COQ10B: variants seen among roughly 807,000 people sequenced by gnomAD.
The protein encoded by COQ10B is coenzyme Q-binding protein COQ10 homolog B, mitochondrial.
In COQ10B, 12 loss-of-function variants were observed where a neutral mutation model predicts 27.6. The observed-to-expected ratio is 0.43, with a 90% CI of 0.28 to 0.70. The LOEUF (loss-of-function observed/expected upper bound fraction) is 0.70, where lower values mean the gene tolerates loss of function less well. Among genes scored for constraint, COQ10B ranks in the 30% least tolerant of loss-of-function variants. COQ10B has a pLI of 0.17. For missense variants in COQ10B, 278 were observed against 288.7 expected, an observed-to-expected ratio of 0.96 and a Z score of 0.27; for synonymous variants, 115 against 103.0, an observed-to-expected ratio of 1.12 and a Z score of -0.71.
At chr2:197,463,171 A>G (rs559546348) in intron 3 of COQ10B, among the ~76,000 whole-genome samples, 5 of 151,890 alleles carry the variant, frequency 3.3e-5, no homozygotes, top group Non-Finnish European at 2.9e-5. Context: ...TGAGAGGATA[A>G]AGAAAGGTAG....
chr2:197,473,658 C>A, intron 4 of COQ10B, 99 bp from the exon 5 acceptor site: 1 of 859,800 alleles, frequency 1.2e-6, no homozygotes, highest in Non-Finnish European at 1.6e-6. Flanking sequence ...TGCACTCCAA[C>A]CTGGGCAACA....
intron 4 of COQ10B, among the ~76,000 whole-genome samples, chr2:197,471,343 T>C (rs762245344): frequency 3.4e-4 from 52 of 152,044 alleles, no homozygotes; most frequent in Non-Finnish European, 7.2e-4. Context: ...GGTTTTGCCA[T>C]GTTTCCCAGG....
intron 2 of COQ10B, among the ~76,000 whole-genome samples, chr2:197,460,570 C>A (rs1398205725): frequency 6.6e-6 from 1 of 152,136 alleles, no homozygotes. Context: ...AAATCTTTGA[C>A]ATGTAAAGAA....
At chr2:197,471,941 CAAAA>C (rs200758529) in intron 4 of COQ10B, among the ~76,000 whole-genome samples, 2 of 93,618 alleles carry the variant, frequency 2.1e-5, no homozygotes, top group Non-Finnish European at 2.2e-5. Context: ...GACACTGTCT[CAAAA>C]AAAAAAAAAA....
intron 2 of COQ10B, among the ~76,000 whole-genome samples, chr2:197,461,437 T>C (rs888200384): frequency 6.6e-6 from 1 of 152,172 alleles, no homozygotes; most frequent in Non-Finnish European, 1.5e-5. Flanking sequence ...TTGCTCCTGA[T>C]GGGCAGGTAC....
chr2:197,466,246 T>C (rs1050000863), intron 3 of COQ10B, among the ~76,000 whole-genome samples: 13 of 152,234 alleles, frequency 8.5e-5, no homozygotes, highest in Non-Finnish European at 1.6e-4. Flanking sequence ...GTTCCACGAA[T>C]GCACAGTACA....
intron 4 of COQ10B, 62 bp from the exon 5 acceptor site, chr2:197,473,695 C>CAAA (rs78531672): frequency 5.3e-5 from 50 of 947,452 alleles, no homozygotes; most frequent in Non-Finnish European, 5.8e-5. Flanking sequence ...CCAGGAAAAC[C>CAAA]AAAAAAAAAA....
At chr2:197,471,413 A>G (rs970598372) in intron 4 of COQ10B, among the ~76,000 whole-genome samples, 5 of 151,496 alleles carry the variant, frequency 3.3e-5, no homozygotes, top group Non-Finnish European at 7.4e-5. Flanking sequence ...AAGTGCTGGG[A>G]TTACAGGCGT....
intron 2 of COQ10B, among the ~76,000 whole-genome samples, chr2:197,461,627 CAGAGAGAGAGAGAGAGAGAG>C (rs66918493): frequency 0.025 from 3,262 of 129,506 alleles, 115 homozygotes; most frequent in African/African-American, 0.091. Context: ...TACAGGGTCT[CAGAGAGAGAGAGAGAGAGAG>C]AGAGAGAGAG....
In COQ10B at chr2:197,454,001, G is replaced by C. The variant is rs896919065; in HGVS notation, c.104+337G>C. ...ACTGCTGTTGGAAAGTTTTAACTTT[G>C]CGCAGAAGGGTTGCCGGCTGCTGGC... On this transcript the variant is annotated intron_variant, in intron 1 of 4. Coordinates refer to ENST00000263960, the MANE Select transcript of COQ10B (RefSeq NM_025147.5). 3 of 1,551,132 alleles carry C rather than the reference G, an allele frequency of 1.9e-6. No homozygotes were observed. The South Asian group carries it at 3.6e-5, about 18-fold the overall frequency.
rs987096913 is a variant in COQ10B, at chr2:197,471,809, G to A, written c.549+1638G>A. On this transcript the variant is annotated intron_variant, in intron 4 of 4. Coordinates refer to ENST00000263960, the MANE Select transcript of COQ10B (RefSeq NM_025147.5). ...ATACAAAAATTAGCCGGGTGTGGTGGTGCATGCCTGTAGTCCTAGCTACTT... is the reference window on the plus strand; with the variant it reads ...ATACAAAAATTAGCCGGGTGTGGTGATGCATGCCTGTAGTCCTAGCTACTT... 3.3e-5 allele frequency among the ~76,000 whole-genome samples: 5 copies of A among 152,110 alleles called. No individual in the cohort carries two copies. In the South Asian group the frequency reaches 1.0e-3, roughly 32 times the overall value.
rs541674282 is a variant in COQ10B, at chr2:197,455,117, G to A, written c.104+1453G>A. On this transcript the variant is annotated intron_variant, in intron 1 of 4. Transcript: ENST00000263960. The stretch of plus-strand genomic sequence containing the variant: ...TAGGCTTGTAATCAGATTGTGTAAG[G>A]GTATTTTTTTGGGTAGGCTGGGAGG... Among the ~76,000 whole-genome samples the A allele has an allele frequency of 3.3e-5, 5 of 151,702 alleles. No individual in the cohort carries two copies. In the South Asian group the frequency reaches 1.0e-3, roughly 32 times the overall value.
chr2:197,473,439 TATACAC>T (rs2085903645), intron 4 of COQ10B, among the ~76,000 whole-genome samples: 1 of 99,924 alleles, frequency 1.0e-5, no homozygotes, highest in Admixed American at 1.2e-4. Flanking sequence ...TATATATATA[TATACAC>T]ATATATACAT....
rs761774004 is a variant in COQ10B, at chr2:197,453,688, G to A, written c.104+24G>A. On this transcript the variant is annotated intron_variant, in intron 1 of 4. Transcript: ENST00000263960. ...AGGTAATCAACAGCGGGGGCGCTGA[G>A]ACGAGAGTAGTTTTCGATTTTGGCT... is the stretch of plus-strand genomic sequence containing the variant. The A allele has an allele frequency of 2.5e-6, 4 of 1,590,692 alleles. No individual in the cohort carries two copies. The South Asian group carries it at 4.4e-5, about 18-fold the overall frequency.
chr2:197,454,177 G>T, intron 1 of COQ10B: 1 of 1,506,390 alleles, frequency 6.6e-7, no homozygotes, highest in Non-Finnish European at 9.0e-7. Context: ...TAAGGGACTT[G>T]GATTTTTTCA....
chr2:197,474,817 C>CTTCTT lies in COQ10B; in HGVS notation c.*895_*896insCTTTT, dbSNP rs2085932968. On this transcript the variant is annotated 3_prime_UTR_variant, in exon 5 of 5. Transcript: ENST00000263960. ...TCCCAGATAAACAGTGTATTTTCTT[C>CTTCTT]TTTTTTTTTTTTTTTTTGGTGAGTG... 1 of 133,268 alleles carries CTTCTT rather than the reference C, an allele frequency of 7.5e-6. No homozygotes were observed. The highest frequency in any genetic ancestry group is 2.1e-4 in the East Asian group (1 of 4,690). 8.3% of individuals were successfully genotyped at this position (133,268 alleles called of 1,614,324 possible).
At chr2:197,455,768 T>C (rs1219079723) in intron 1 of COQ10B, among the ~76,000 whole-genome samples, 1 of 152,030 alleles carries the variant, frequency 6.6e-6, no homozygotes, top group Middle Eastern at 3.2e-3. Flanking sequence ...GAGACCAGCT[T>C]GGGCAACATA....
chr2:197,459,039 A>G (rs2085729582), intron 1 of COQ10B, among the ~76,000 whole-genome samples: 1 of 152,242 alleles, frequency 6.6e-6, no homozygotes, highest in Non-Finnish European at 1.5e-5. Flanking sequence ...AGCATATAGC[A>G]GACATTTGTA....
At chr2:197,453,821 C>A in intron 1 of COQ10B, 157 bp downstream of exon 1, 1 of 1,035,284 alleles carries the variant, frequency 9.7e-7, no homozygotes, top group Non-Finnish European at 1.4e-6. Context: ...ATCTGAGGGA[C>A]TCAAGAGCGG....
Sources: allele counts gnomAD v4.1 joint callset (sites outside exome capture counted in the v4.1 genomes callset), GRCh38; gene constraint gnomAD v4.1.1; transcripts MANE v1.5; gene names NCBI Gene and HGNC (gene_info 2026-07-23, HGNC 2026-07-21).